The following IQCM variants were observed in gnomAD, a reference collection of about 807,000 sequenced individuals.
The protein encoded by IQCM is IQ domain-containing protein M.
A neutral mutation model predicts 57.6 loss-of-function variants in IQCM; 45 were observed. The ratio of observed to expected loss-of-function variants is 0.78; its 90% CI spans 0.62 to 1.00. IQCM has a LOEUF of 1.00. IQCM is among the 50% of genes least tolerant of loss of function. The pLI, the probability that IQCM is intolerant of heterozygous loss-of-function variation, is 0.00. For synonymous variants in IQCM, 148 were observed against 158.9 expected (o/e 0.93, Z 0.51); for missense variants, 468 against 511.6 (o/e 0.91, Z 0.82).
chr4:149,398,878 T>G (rs995877836), intron 13 of IQCM, among the ~76,000 whole-genome samples: 5 of 151,886 alleles, frequency 3.3e-5, no homozygotes, highest in Non-Finnish European at 5.9e-5. Context: ...GGCTAGTTTT[T>G]GTTGTTGTTG....
intron 2 of IQCM, among the ~76,000 whole-genome samples, chr4:149,797,983 T>C (rs958157462): frequency 2.0e-5 from 3 of 151,428 alleles, no homozygotes; most frequent in African/African-American, 7.3e-5. Context: ...GAGCAATAAA[T>C]CATCATCTAA....
chr4:149,533,142 G>C (rs1746919697), intron 12 of IQCM, among the ~76,000 whole-genome samples: 2 of 152,024 alleles, frequency 1.3e-5, no homozygotes, highest in Admixed American at 1.3e-4. Flanking sequence ...TTATAGTACA[G>C]TGAGCAAAAA....
At chr4:149,456,952 T>C (rs2149704021) in intron 12 of IQCM, among the ~76,000 whole-genome samples, 1 of 152,190 alleles carries the variant, frequency 6.6e-6, no homozygotes, top group South Asian at 2.1e-4. Flanking sequence ...CACATGAGAT[T>C]GCATCAATTA....
intron 12 of IQCM, among the ~76,000 whole-genome samples, chr4:149,493,872 A>G (rs1301921065): frequency 9.0e-6 from 1 of 110,842 alleles, no homozygotes; most frequent in Non-Finnish European, 1.8e-5. Context: ...AGGGAAAGGA[A>G]TCTGGAAATG....
At chr4:149,794,877 A>T (rs1432449516) in intron 2 of IQCM, among the ~76,000 whole-genome samples, 1 of 152,132 alleles carries the variant, frequency 6.6e-6, no homozygotes, top group Non-Finnish European at 1.5e-5. Flanking sequence ...ACCTACAAAG[A>T]GGCAGGAAAC....
intron 12 of IQCM, among the ~76,000 whole-genome samples, chr4:149,472,113 C>T (rs1739630504): frequency 6.6e-6 from 1 of 152,132 alleles, no homozygotes; most frequent in African/African-American, 2.4e-5. Flanking sequence ...GTTGGAAGTT[C>T]TGGCCAGGGC....
intron 12 of IQCM, among the ~76,000 whole-genome samples, chr4:149,546,829 A>ATT (rs1748490058): frequency 6.6e-6 from 1 of 151,914 alleles, no homozygotes; most frequent in Non-Finnish European, 1.5e-5. Context: ...GTTTAATTAG[A>ATT]TCCCATTTGT....
At chr4:149,368,658 T>A in intron 13 of IQCM, among the ~76,000 whole-genome samples, 1 of 149,844 alleles carries the variant, frequency 6.7e-6, no homozygotes, top group Non-Finnish European at 1.5e-5. Flanking sequence ...ATCATATTTC[T>A]TTTTTTGAGG....
intron 2 of IQCM, among the ~76,000 whole-genome samples, chr4:149,771,601 C>T (rs1770590057): frequency 6.6e-6 from 1 of 151,970 alleles, no homozygotes; most frequent in Admixed American, 6.6e-5. Flanking sequence ...TTCAGGCTTC[C>T]TCTTTATAGT....
At chr4:149,551,336 C>A (rs75748545) in intron 11 of IQCM, among the ~76,000 whole-genome samples, 3,979 of 152,242 alleles carry the variant, frequency 0.026, 82 homozygotes, top group Middle Eastern at 0.048. Context: ...GCACCAGAGT[C>A]CAGGCTGGAA....
intron 6 of IQCM, among the ~76,000 whole-genome samples, chr4:149,683,322 G>A (rs993496479): frequency 6.6e-6 from 1 of 151,124 alleles, no homozygotes; most frequent in Non-Finnish European, 1.5e-5. Context: ...ATGTTGGTTT[G>A]AAAATTATAT....
intron 7 of IQCM, among the ~76,000 whole-genome samples, chr4:149,662,244 A>T (rs1398709129): frequency 6.6e-6 from 1 of 151,760 alleles, no homozygotes; most frequent in Non-Finnish European, 1.5e-5. Context: ...TGTTTTTGTT[A>T]TGTTTCTGAA....
At chr4:149,541,230 C>G (rs763880523) in intron 12 of IQCM, among the ~76,000 whole-genome samples, 28 of 152,106 alleles carry the variant, frequency 1.8e-4, no homozygotes, top group Non-Finnish European at 3.7e-4. Context: ...GAAATAGTTA[C>G]AGTTTGCCAC....
At chr4:149,768,008 G>GA (rs1188654693) in intron 2 of IQCM, among the ~76,000 whole-genome samples, 1 of 151,940 alleles carries the variant, frequency 6.6e-6, no homozygotes, top group South Asian at 2.1e-4. Context: ...TATGGGCCTA[G>GA]AAAAAAATTC....
At chr4:149,809,654 A>G (rs748052273) in intron 2 of IQCM, among the ~76,000 whole-genome samples, 6 of 152,180 alleles carry the variant, frequency 3.9e-5, no homozygotes, top group Admixed American at 6.5e-5. Flanking sequence ...GAGGGCAACA[A>G]TACAACTCCT....
intron 9 of IQCM, among the ~76,000 whole-genome samples, chr4:149,587,287 G>C (rs1752729078): frequency 6.6e-6 from 1 of 151,668 alleles, no homozygotes; most frequent in South Asian, 2.1e-4. Context: ...ACTCTCCAGT[G>C]CCTTCAAATA....
intron 13 of IQCM, among the ~76,000 whole-genome samples, chr4:149,377,631 G>T (rs1480971269): frequency 6.6e-6 from 1 of 152,002 alleles, no homozygotes; most frequent in Admixed American, 6.6e-5. Context: ...ATCTCCCTAA[G>T]CTCCAGATTT....
chr4:149,679,576 C>T (rs1424446900), intron 7 of IQCM, among the ~76,000 whole-genome samples: 1 of 151,240 alleles, frequency 6.6e-6, no homozygotes, highest in Non-Finnish European at 1.5e-5. Flanking sequence ...ATCCCAAGAA[C>T]TGATTTGATC....
intron 13 of IQCM, among the ~76,000 whole-genome samples, chr4:149,362,117 C>T (rs1729535619): frequency 6.6e-6 from 1 of 152,120 alleles, no homozygotes; most frequent in African/African-American, 2.4e-5. Context: ...GGCCCTGTTA[C>T]TCCTTTGTTT....
Sources: allele counts gnomAD v4.1 joint callset (sites outside exome capture counted in the v4.1 genomes callset), GRCh38; gene constraint gnomAD v4.1.1; transcripts MANE v1.5; gene names NCBI Gene and HGNC (gene_info 2026-07-23, HGNC 2026-07-21).